The following MEF2C variants were observed in gnomAD, a reference collection of about 807,000 sequenced individuals.
MEF2C encodes the protein myocyte enhancer factor 2C.
MEF2C carries 6 observed loss-of-function variants against 50.5 expected under a neutral mutation model. The ratio of observed to expected loss-of-function variants is 0.12; its 90% confidence interval spans 0.07 to 0.23. The LOEUF is 0.23. Among genes scored for constraint, MEF2C ranks in the 10% least tolerant of loss-of-function variants. MEF2C has a pLI of 1.00. For synonymous variants in MEF2C, 183 were observed against 228.0 expected, an observed-to-expected ratio of 0.80 and a Z score of 1.78; for missense variants, 276 against 605.0, an observed-to-expected ratio of 0.46 and a Z score of 5.70.
intron 1 of MEF2C, among the ~76,000 whole-genome samples, chr5:88,877,159 C>T (rs1831320733): frequency 6.6e-6 from 1 of 151,938 alleles, no homozygotes; most frequent in Non-Finnish European, 1.5e-5. Context: ...AGTAATGATT[C>T]CTGAAGAAAT....
At chr5:88,788,022 T>G (rs1341879741) in intron 3 of MEF2C, among the ~76,000 whole-genome samples, 1 of 152,202 alleles carries the variant, frequency 6.6e-6, no homozygotes, top group East Asian at 1.9e-4. Flanking sequence ...CTGGTTGGAT[T>G]TCTCTGCCCT....
rs1755624443 is a variant in MEF2C at position 88,719,672 on chromosome 5, A to C, written c.*2932T>G. 1 of 152,260 alleles carries C rather than the reference A, an allele frequency of 6.6e-6. No individual in the cohort carries two copies. Among genetic ancestry groups the C allele is most frequent in the Non-Finnish European group, 1.5e-5 (1 of 68,020 alleles). 9.4% of individuals were successfully genotyped at this position (152,260 alleles called of 1,614,324 possible). On this transcript the variant is annotated 3_prime_UTR_variant, in exon 11 of 11. Coordinates refer to ENST00000504921, the MANE Select transcript of MEF2C (RefSeq NM_002397.5). ...GCAAATACAATAAATGGTAAATTACAGATAAGGTATAAGGGTAAAGATAGA... is the reference window on the plus strand; with the variant it reads ...GCAAATACAATAAATGGTAAATTACCGATAAGGTATAAGGGTAAAGATAGA...
chr5:88,901,835 A>C (rs1301484006), intron 1 of MEF2C, among the ~76,000 whole-genome samples: 6 of 152,140 alleles, frequency 3.9e-5, no homozygotes, highest in African/African-American at 1.4e-4. Context: ...TTTTAGATTA[A>C]GTCTACAATT....
chr5:88,886,883 T>C (rs1834094685), upstream of MEF2C, among the ~76,000 whole-genome samples: 1 of 152,214 alleles, frequency 6.6e-6, no homozygotes, highest in African/African-American at 2.4e-5. Context: ...GCATACCATC[T>C]TACTCCAACC....
intron 3 of MEF2C, chr5:88,772,754 G>C: frequency 4.1e-6 from 4 of 985,398 alleles, no homozygotes; most frequent in Non-Finnish European, 4.8e-6. Flanking sequence ...TCTTCAAGGA[G>C]TGGCTATAAG....
At chr5:88,740,345 G>A in intron 6 of MEF2C, 1 of 985,222 alleles carries the variant, frequency 1.0e-6, no homozygotes, top group Non-Finnish European at 1.2e-6. Context: ...GATTGTGAGG[G>A]AGAGGTAAAG....
chr5:88,871,065 G>C (rs1362054787), intron 1 of MEF2C, among the ~76,000 whole-genome samples: 2 of 151,990 alleles, frequency 1.3e-5, no homozygotes, highest in Non-Finnish European at 2.9e-5. Flanking sequence ...AAACAAATGT[G>C]CTTCTATAAA....
At chr5:88,781,123 G>A (rs1787795264) in intron 3 of MEF2C, among the ~76,000 whole-genome samples, 1 of 151,856 alleles carries the variant, frequency 6.6e-6, no homozygotes, top group South Asian at 2.1e-4. Flanking sequence ...TCTGTGTAGT[G>A]AGGACCTTAT....
At chr5:88,880,195 G>A (rs1452959631) in intron 1 of MEF2C, among the ~76,000 whole-genome samples, 1 of 151,860 alleles carries the variant, frequency 6.6e-6, no homozygotes, top group Non-Finnish European at 1.5e-5. Context: ...GAATGAATAC[G>A]TGTATTTTGA....
chr5:88,723,114 G>A (rs926618655), intron 10 of MEF2C, among the ~76,000 whole-genome samples, 189 bp from the exon 11 acceptor site: 1 of 152,182 alleles, frequency 6.6e-6, no homozygotes, highest in African/African-American at 2.4e-5. Flanking sequence ...TTGTTGATTT[G>A]CCCGGTAGTA....
chr5:88,768,607 C>A (rs1170307053), intron 3 of MEF2C: 3 of 804,252 alleles, frequency 3.7e-6, no homozygotes, highest in Admixed American at 1.2e-4. Flanking sequence ...TAGCACAAGG[C>A]CTGGCAAGTG....
intron 4 of MEF2C, among the ~76,000 whole-genome samples, chr5:88,753,127 T>C (rs1257035811): frequency 6.6e-6 from 1 of 152,238 alleles, no homozygotes. Context: ...TGTTTGCCCT[T>C]AGTGCTGACA....
chr5:88,817,431 T>G (rs186193073), intron 2 of MEF2C, among the ~76,000 whole-genome samples: 1 of 152,086 alleles, frequency 6.6e-6, no homozygotes, highest in East Asian at 1.9e-4. Context: ...TTTTCCAGCT[T>G]TTTTCCTAGT....
At chr5:88,794,545 T>C (rs1194541328) in intron 3 of MEF2C, among the ~76,000 whole-genome samples, 1 of 152,230 alleles carries the variant, frequency 6.6e-6, no homozygotes, top group East Asian at 1.9e-4. Flanking sequence ...ATATTAGCCC[T>C]TTGTCAGAGG....
At chr5:88,724,007 A>G (rs966668730) in intron 10 of MEF2C, among the ~76,000 whole-genome samples, 1 of 152,204 alleles carries the variant, frequency 6.6e-6, no homozygotes, top group African/African-American at 2.4e-5. Context: ...GCTCGCATCA[A>G]TTTTAAGATG....
At chr5:88,895,693 C>A (rs1835046904) in intron 1 of MEF2C, among the ~76,000 whole-genome samples, 4 of 152,114 alleles carry the variant, frequency 2.6e-5, no homozygotes, top group Admixed American at 2.6e-4. Context: ...TGGCATGCTC[C>A]ACTCACCCAG....
intron 1 of MEF2C, among the ~76,000 whole-genome samples, chr5:88,889,658 T>G (rs561905906): frequency 6.1e-4 from 87 of 142,712 alleles, no homozygotes; most frequent in African/African-American, 1.9e-3. Context: ...AAGTCACGGC[T>G]GGGGGAAAAG....
intron 1 of MEF2C, among the ~76,000 whole-genome samples, chr5:88,903,314 T>C (rs145624759): frequency 0.07 from 10,621 of 151,718 alleles, 573 homozygotes; most frequent in African/African-American, 0.19. Flanking sequence ...CTTTTAATTA[T>C]TAAATAATAT....
chr5:88,728,975 C>T (rs1371945404), intron 9 of MEF2C, among the ~76,000 whole-genome samples: 1 of 152,016 alleles, frequency 6.6e-6, no homozygotes, highest in East Asian at 1.9e-4. Flanking sequence ...AAAGAAACAG[C>T]TCAATTTTCT....
Sources: allele counts gnomAD v4.1 joint callset (sites outside exome capture counted in the v4.1 genomes callset), GRCh38; gene constraint gnomAD v4.1.1; transcripts MANE v1.5; gene names NCBI Gene and HGNC (gene_info 2026-07-23, HGNC 2026-07-21).